Variants in ZMYM2 observed in about 807,000 individuals in gnomAD.
The protein encoded by ZMYM2 is zinc finger MYM-type protein 2.
Under a neutral mutation model 162.8 loss-of-function variants are expected in ZMYM2, and 56 were observed. The ratio of observed to expected loss-of-function variants is 0.34; its 90% CI spans 0.28 to 0.43. The LOEUF (loss-of-function observed/expected upper bound fraction) is 0.43, where lower values mean the gene tolerates loss of function less well. ZMYM2 is among the 20% of genes least tolerant of loss of function. The pLI is 1.00. For missense variants in ZMYM2, 1,275 were observed against 1,621.8 expected, an observed-to-expected ratio of 0.79 and a Z score of 3.67; for synonymous variants, 510 against 541.6, an observed-to-expected ratio of 0.94 and a Z score of 0.81.
the ZMYM2 span, among the ~76,000 whole-genome samples, chr13:19,940,181 G>A: frequency 6.6e-6 from 1 of 152,092 alleles, no homozygotes; most frequent in South Asian, 2.1e-4. Flanking sequence ...AATTTTAAAA[G>A]AAAGAAAGAA....
At chr13:20,015,118 T>C (rs555014663) in intron 6 of ZMYM2, among the ~76,000 whole-genome samples, 69 of 152,306 alleles carry the variant, frequency 4.5e-4, no homozygotes, top group African/African-American at 1.5e-3. Flanking sequence ...TTTCTCTGAT[T>C]AGTATTTAAG....
chr13:19,919,064 T>G, the ZMYM2 span, among the ~76,000 whole-genome samples: 1 of 152,108 alleles, frequency 6.6e-6, no homozygotes, highest in Non-Finnish European at 1.5e-5. Flanking sequence ...GTTTTCCACC[T>G]CTATAATTTT....
At chr13:20,036,715 A>G (rs1356543453) in intron 11 of ZMYM2, 22 bp from the exon 12 acceptor site, 5 of 1,481,628 alleles carry the variant, frequency 3.4e-6, no homozygotes, top group Non-Finnish European at 3.6e-6. Context: ...TTGTTTTAAT[A>G]TATAAATCTT....
At chr13:19,966,387 G>C (rs572848289) in intron 2 of ZMYM2, among the ~76,000 whole-genome samples, 1 of 151,172 alleles carries the variant, frequency 6.6e-6, no homozygotes, top group African/African-American at 2.4e-5. Context: ...ACCTGCCTAA[G>C]CCTCCCAAAG....
At chr13:20,040,210 C>G (rs1043195429) in intron 12 of ZMYM2, among the ~76,000 whole-genome samples, 5 of 152,168 alleles carry the variant, frequency 3.3e-5, no homozygotes, top group Non-Finnish European at 7.4e-5. Context: ...GTGAATCCAT[C>G]TGGTCCTGGA....
chr13:20,061,129 G>A lies in ZMYM2; in HGVS notation c.2816G>A (p.Ser939Asn), dbSNP rs748909369. 20 of 1,613,264 alleles carry A rather than the reference G, an allele frequency of 1.2e-5. No individual in the cohort carries two copies. Among genetic ancestry groups the A allele is most frequent in the Non-Finnish European group, 1.5e-5 (18 of 1,179,594 alleles). ...CCTGCAGCAATTGAGGAGCTAAAAAGCAAGGTTTCTTCAGATGCTCTTGAT... is the reference window on the plus strand; with the variant it reads ...CCTGCAGCAATTGAGGAGCTAAAAAACAAGGTTTCTTCAGATGCTCTTGAT... ...KIPAAIEELK[S>N]KVSSDALDTE... Residue 939 changes from serine (S) to asparagine (N), a missense_variant, in exon 17 of 25, where the codon AGC becomes AAC. Coordinates refer to ENST00000610343, the MANE Select transcript of ZMYM2 (RefSeq NM_197968.4).
intron 22 of ZMYM2, among the ~76,000 whole-genome samples, 170 bp downstream of exon 22, chr13:20,082,300 T>G (rs1957963894): frequency 6.6e-6 from 1 of 152,192 alleles, no homozygotes. Flanking sequence ...ACAAATGTGG[T>G]CAATAACTAG....
At chr13:19,970,831 A>C (rs867608235) in intron 2 of ZMYM2, among the ~76,000 whole-genome samples, 11 of 152,152 alleles carry the variant, frequency 7.2e-5, no homozygotes, top group Non-Finnish European at 1.5e-4. Flanking sequence ...GGAAATGAGT[A>C]TGATCTGAGA....
intron 24 of ZMYM2, among the ~76,000 whole-genome samples, chr13:20,084,547 C>A (rs1055786696): frequency 6.6e-6 from 1 of 152,060 alleles, no homozygotes; most frequent in South Asian, 2.1e-4. Context: ...TGCCAATGCC[C>A]GGTGTAAAGG....
chr13:20,084,463 A>C (rs751019851), intron 24 of ZMYM2, among the ~76,000 whole-genome samples: 3 of 152,204 alleles, frequency 2.0e-5, no homozygotes, highest in Non-Finnish European at 4.4e-5. Context: ...AAGCAGCCAT[A>C]TACTATATAT....
intron 5 of ZMYM2, among the ~76,000 whole-genome samples, chr13:20,005,644 A>G (rs1312721837): frequency 6.6e-6 from 1 of 152,228 alleles, no homozygotes; most frequent in Non-Finnish European, 1.5e-5. Context: ...ATAACCTCAC[A>G]TTATTAATAT....
the ZMYM2 span, among the ~76,000 whole-genome samples, chr13:19,927,867 C>G: frequency 1.3e-5 from 2 of 152,116 alleles, no homozygotes; most frequent in African/African-American, 2.4e-5. Flanking sequence ...TCACTATAGT[C>G]TGAATTCACA....
chr13:19,959,659 C>T (rs566545234), intron 1 of ZMYM2, among the ~76,000 whole-genome samples: 1 of 152,254 alleles, frequency 6.6e-6, no homozygotes, highest in African/African-American at 2.4e-5. Flanking sequence ...CCCTTGCTGG[C>T]GTCGAGGCAA....
At chr13:19,924,019 T>C in the ZMYM2 span, among the ~76,000 whole-genome samples, 1 of 152,100 alleles carries the variant, frequency 6.6e-6, no homozygotes, top group Non-Finnish European at 1.5e-5. Context: ...TGCCCGACCA[T>C]GGGACCTTAA....
chr13:19,930,189 T>C, the ZMYM2 span, among the ~76,000 whole-genome samples: 1 of 152,102 alleles, frequency 6.6e-6, no homozygotes, highest in African/African-American at 2.4e-5. Context: ...TCACCTGAGG[T>C]CAGGAGTTCA....
the ZMYM2 span, among the ~76,000 whole-genome samples, chr13:19,885,856 A>ATAT: frequency 2.5e-3 from 115 of 46,870 alleles, 20 homozygotes; most frequent in Admixed American, 0.015. Flanking sequence ...TCAAAAAAAA[A>ATAT]AAAAAAATAT....
rs57294389 is a variant in ZMYM2, at chr13:20,032,599, C to CTTTT, written c.1968+1188_1968+1191dup. Among the ~76,000 whole-genome samples, 129 of 66,034 alleles carry CTTTT rather than the reference C, an allele frequency of 2.0e-3. 14 individuals carry two copies. Among genetic ancestry groups the CTTTT allele is most frequent in the African/African-American group, 6.7e-3 (99 of 14,756 alleles). 43.3% of individuals were successfully genotyped at this position (66,034 alleles called of 152,430 possible). A position where few individuals can be genotyped will look rare whatever the true frequency, so the allele number is the denominator to read the frequency against. ...CTGGATTACATGATTTTTTTTCTGT[C>CTTTT]TTTTTTTTTTTTTTTTTTTTTTTTT... On this transcript the variant is annotated intron_variant, in intron 10 of 24. Coordinates refer to ENST00000610343, the MANE Select transcript of ZMYM2 (RefSeq NM_197968.4).
At chr13:19,885,995 A>ATG in the ZMYM2 span, among the ~76,000 whole-genome samples, 1 of 141,242 alleles carries the variant, frequency 7.1e-6, no homozygotes, top group Non-Finnish European at 1.5e-5. Context: ...ATACACATAT[A>ATG]TATGTGTATA....
chr13:20,044,929 A>C (rs979950128), intron 12 of ZMYM2, among the ~76,000 whole-genome samples: 1 of 151,870 alleles, frequency 6.6e-6, no homozygotes, highest in Admixed American at 6.6e-5. Context: ...GCATGCCTGT[A>C]ATCTCAGCTA....
Sources: gnomAD v4.1 joint callset for allele counts (sites outside exome capture counted in the v4.1 genomes callset) on GRCh38, gnomAD v4.1.1 for gene constraint, MANE v1.5 for transcripts, NCBI Gene and HGNC (gene_info 2026-07-23, HGNC 2026-07-21) for gene names.